The following PDPR variants were observed in gnomAD, a reference collection of about 807,000 sequenced individuals.
PDPR encodes pyruvate dehydrogenase phosphatase regulatory subunit, mitochondrial.
In PDPR, 50 loss-of-function variants were observed where a neutral mutation model predicts 102.2. The observed-to-expected ratio is 0.49, with a 90% CI of 0.39 to 0.62. PDPR has a LOEUF of 0.62. Ranked by LOEUF, PDPR falls within the 20% of genes least tolerant of loss-of-function variation. The pLI is 0.00. For missense variants in PDPR, 625 were observed against 1,098.2 expected, an observed-to-expected ratio of 0.57 and a Z score of 6.09; for synonymous variants, 259 against 406.0, an observed-to-expected ratio of 0.64 and a Z score of 4.35.
intron 9 of PDPR, among the ~76,000 whole-genome samples, chr16:70,134,576 T>A (rs1964903351): frequency 6.7e-6 from 1 of 149,976 alleles, no homozygotes; most frequent in South Asian, 2.2e-4. Flanking sequence ...GCAGATCGCC[T>A]GAGGTCAGGA....
intron 3 of PDPR, among the ~76,000 whole-genome samples, chr16:70,124,292 G>T (rs1963688548): frequency 6.6e-6 from 1 of 152,270 alleles, no homozygotes; most frequent in Non-Finnish European, 1.5e-5. Context: ...GAACCTGGGA[G>T]GCAGAGATTG....
intron 17 of PDPR, among the ~76,000 whole-genome samples, chr16:70,153,157 G>C (rs1966842300): frequency 6.6e-6 from 1 of 152,294 alleles, no homozygotes. Flanking sequence ...AGACATTTTA[G>C]AGAGGTGAAA....
intron 15 of PDPR, 126 bp downstream of exon 15, chr16:70,144,659 A>G (rs530757424): frequency 1.2e-5 from 7 of 603,402 alleles, no homozygotes; most frequent in South Asian, 3.6e-5. Flanking sequence ...CTCTCTGGTC[A>G]TAGAAAATTG....
At chr16:70,141,206 A>G (rs1381234436) in intron 11 of PDPR, among the ~76,000 whole-genome samples, 1 of 152,220 alleles carries the variant, frequency 6.6e-6, no homozygotes, top group Non-Finnish European at 1.5e-5. Context: ...GGCGCCTGCC[A>G]CCATGCCTGG....
Position 70,156,707 on chromosome 16 carries a change from A to G in PDPR, c.2468A>G (p.Asp823Gly), listed in dbSNP as rs1967248149. The G allele has an allele frequency of 6.2e-7, 1 of 1,613,988 alleles. No individual in the cohort carries two copies. The highest frequency in any genetic ancestry group is 2.2e-5 in the East Asian group (1 of 44,894). ...GGCTTTGTGCACAATTTTTCTGAGGACACGGGGGAAGAGCAAGTGGTGACA... is the reference window on the plus strand; with the variant it reads ...GGCTTTGTGCACAATTTTTCTGAGGGCACGGGGGAAGAGCAAGTGGTGACA... The part of the protein sequence containing the change: ...CLGFVHNFSE[D>G]TGEEQVVTAD... Residue 823 changes from aspartate to glycine, a missense_variant, in exon 19 of 19, where the codon GAC becomes GGC. By Grantham distance (94) the Asp-to-Gly change is moderately conservative (BLOSUM62 -1). Coordinates refer to ENST00000288050, the MANE Select transcript of PDPR (RefSeq NM_017990.5).
rs757532731 is a variant in PDPR, at chr16:70,120,513, G to A, written c.21G>A (p.Leu7=). Residue 7 remains leucine (L), a synonymous_variant, in exon 3 of 19, where the codon CTG becomes CTA. Coordinates refer to ENST00000288050, the MANE Select transcript of PDPR (RefSeq NM_017990.5). MMFYRL[L]SIVGRQRASP... ...GAGACATGATGTTCTACCGGTTGCTGTCGATTGTTGGAAGACAAAGAGCCA... is the reference window on the plus strand; with the variant it reads ...GAGACATGATGTTCTACCGGTTGCTATCGATTGTTGGAAGACAAAGAGCCA... The A allele has an allele frequency of 6.2e-7, 1 of 1,613,842 alleles. No homozygotes were observed. Among genetic ancestry groups the A allele is most frequent in the African/African-American group, 1.3e-5 (1 of 74,944 alleles).
intron 9 of PDPR, among the ~76,000 whole-genome samples, chr16:70,133,624 G>C (rs1964787469): frequency 1.3e-5 from 2 of 151,814 alleles, no homozygotes; most frequent in Admixed American, 1.3e-4. Flanking sequence ...TACCACGTTG[G>C]CCAGGCTGGT....
At chr16:70,116,202 G>T (rs1291894485) in intron 2 of PDPR, among the ~76,000 whole-genome samples, 3 of 144,602 alleles carry the variant, frequency 2.1e-5, no homozygotes, top group Admixed American at 7.1e-5. Context: ...TCAGCCTCCT[G>T]AGTAGCTGGG....
chr16:70,114,519 C>T (rs1445855189), intron 1 of PDPR, 79 bp downstream of exon 1: 1 of 152,210 alleles, frequency 6.6e-6, no homozygotes, highest in South Asian at 2.1e-4. Flanking sequence ...GGGTTCCCCT[C>T]TTTCTCCTTT....
Position 70,133,111 on chromosome 16 carries a change from C to CT in PDPR, c.997+832dup, listed in dbSNP as rs140652740. Among the ~76,000 whole-genome samples, 931 of 97,200 alleles carry CT rather than the reference C, an allele frequency of 9.6e-3. 23 individuals carry two copies. Among genetic ancestry groups the CT allele is most frequent in the East Asian group, 0.013 (29 of 2,250 alleles). The allele number at this position is 97,200 out of a possible 152,430, so 63.8% of individuals were successfully genotyped here. On this transcript the variant is annotated intron_variant, in intron 9 of 18. Coordinates refer to ENST00000288050, the MANE Select transcript of PDPR (RefSeq NM_017990.5). ...GGGCATGAGCCATGATACCCAGCTG[C>CT]TTTTTTTTTTTTTTTTTTTTTGAGA... is the stretch of plus-strand genomic sequence containing the variant.
intron 3 of PDPR, among the ~76,000 whole-genome samples, chr16:70,123,729 A>G (rs1218817579): frequency 2.0e-5 from 3 of 152,272 alleles, no homozygotes; most frequent in African/African-American, 7.2e-5. Context: ...GAATTGATAT[A>G]AGGCAGACTA....
At chr16:70,154,105 G>A (rs371213265) in intron 18 of PDPR, among the ~76,000 whole-genome samples, 2 of 152,224 alleles carry the variant, frequency 1.3e-5, no homozygotes, top group South Asian at 2.1e-4. Context: ...GCAGTGAGCC[G>A]AGATCACGCC....
chr16:70,138,158 C>T (rs1965347214), intron 10 of PDPR, among the ~76,000 whole-genome samples: 1 of 151,010 alleles, frequency 6.6e-6, no homozygotes, highest in African/African-American at 2.4e-5. Flanking sequence ...TCTCCTGCCT[C>T]AGCCTCCCGA....
At chr16:70,140,701 G>C (rs1965620075) in intron 11 of PDPR, among the ~76,000 whole-genome samples, 2 of 152,224 alleles carry the variant, frequency 1.3e-5, no homozygotes, top group Admixed American at 1.3e-4. Context: ...TGTGATCCCA[G>C]CTACTTGGCA....
downstream of PDPR, among the ~76,000 whole-genome samples, chr16:70,162,688 T>C (rs1260734227): frequency 6.6e-6 from 1 of 152,222 alleles, no homozygotes; most frequent in Non-Finnish European, 1.5e-5. Context: ...ATGTAGGTGT[T>C]TATCTTACCC....
chr16:70,133,414 G>T (rs796824188), intron 9 of PDPR, among the ~76,000 whole-genome samples: 1 of 98,558 alleles, frequency 1.0e-5, no homozygotes, highest in African/African-American at 4.5e-5. Flanking sequence ...GAGCCACTGC[G>T]TCTGGCCTTT....
chr16:70,154,364 T>A (rs1966882983), intron 18 of PDPR, among the ~76,000 whole-genome samples: 2 of 151,928 alleles, frequency 1.3e-5, no homozygotes, highest in African/African-American at 4.8e-5. Context: ...TGACACTTGG[T>A]CAGGTGCGGT....
downstream of PDPR, among the ~76,000 whole-genome samples, chr16:70,163,423 C>G (rs919016327): frequency 2.6e-5 from 4 of 152,272 alleles, no homozygotes; most frequent in Non-Finnish European, 5.9e-5. Context: ...TCTCCCCACT[C>G]GCCTCTCCCT....
rs1410126855 is a variant in PDPR, at chr16:70,146,865, A to C, written c.1962+637A>C. ...GCTGGCAACAGAGCAAGACTGTCTC[A>C]AAAAAAAAAAAAAAAATGTGCTGCC... On this transcript the variant is annotated intron_variant, in intron 16 of 18. Transcript: ENST00000288050. 2.0e-4 allele frequency among the ~76,000 whole-genome samples: 13 copies of C among 64,694 alleles called. 3 individuals carry two copies. Among genetic ancestry groups the C allele is most frequent in the African/African-American group, 6.7e-4 (13 of 19,492 alleles). The allele number at this position is 64,694 out of a possible 152,430, so 42.4% of individuals were successfully genotyped here.
Sources: gnomAD v4.1 joint callset for allele counts (sites outside exome capture counted in the v4.1 genomes callset) on GRCh38, gnomAD v4.1.1 for gene constraint, MANE v1.5 for transcripts, NCBI Gene and HGNC (gene_info 2026-07-23, HGNC 2026-07-21) for gene names.